Variants in CAMK2A observed in about 807,000 individuals in gnomAD.
CAMK2A encodes calcium/calmodulin-dependent protein kinase type II subunit alpha.
Under a neutral mutation model 79.2 loss-of-function variants are expected in CAMK2A, and 7 were observed. The ratio of observed to expected loss-of-function variants is 0.09; its 90% CI spans 0.05 to 0.17. The LOEUF is 0.17. Ranked by LOEUF, CAMK2A falls within the 10% of genes least tolerant of loss-of-function variation. The probability of loss-of-function intolerance (pLI) is 1.00; values close to 1 mark genes in which losing one functional copy is unlikely to be tolerated. For missense variants in CAMK2A, 214 were observed against 646.4 expected (o/e 0.33, Z 7.25); for synonymous variants, 242 against 251.7 (o/e 0.96, Z 0.36).
intron 11 of CAMK2A, among the ~76,000 whole-genome samples, chr5:150,249,611 C>T (rs1474874647): frequency 1.3e-5 from 2 of 151,612 alleles, no homozygotes; most frequent in African/African-American, 2.4e-5. Context: ...TGCAATGGCA[C>T]GATCTCACTC....
At chr5:150,249,854 T>G (rs1176169895) in intron 11 of CAMK2A, among the ~76,000 whole-genome samples, 1 of 152,124 alleles carries the variant, frequency 6.6e-6, no homozygotes, top group African/African-American at 2.4e-5. Flanking sequence ...GGCCACACTT[T>G]CCCATTCTGA....
intron 1 of CAMK2A, among the ~76,000 whole-genome samples, chr5:150,277,422 G>C (rs1756997480): frequency 6.6e-6 from 1 of 152,244 alleles, no homozygotes; most frequent in Admixed American, 6.5e-5. Flanking sequence ...GGGCCAGCGA[G>C]GGGGGCTCTG....
At chr5:150,225,758 T>G (rs201233070) in intron 17 of CAMK2A, among the ~76,000 whole-genome samples, 4 of 6,304 alleles carry the variant, frequency 6.3e-4, no homozygotes, top group African/African-American at 7.9e-4. Context: ...TATTATTATT[T>G]TTTTTAGATG....
chr5:150,266,090 G>C (rs139143794), intron 2 of CAMK2A, among the ~76,000 whole-genome samples: 3 of 152,156 alleles, frequency 2.0e-5, no homozygotes, highest in African/African-American at 7.2e-5. Flanking sequence ...TGGGACCAGG[G>C]ACACAGAGAG....
intron 11 of CAMK2A, among the ~76,000 whole-genome samples, chr5:150,249,976 C>T (rs942596848): frequency 2.0e-5 from 3 of 152,180 alleles, no homozygotes; most frequent in African/African-American, 7.2e-5. Context: ...TTGAGGCTTT[C>T]CCAGGCATGG....
intron 3 of CAMK2A, among the ~76,000 whole-genome samples, chr5:150,259,132 A>T (rs1369618469): frequency 6.6e-6 from 1 of 152,096 alleles, no homozygotes; most frequent in Non-Finnish European, 1.5e-5. Flanking sequence ...GTGAGCCGAG[A>T]TCGTGCCACT....
chr5:150,237,451 AAGG>A (rs768451199), intron 15 of CAMK2A, among the ~76,000 whole-genome samples: 1 of 151,588 alleles, frequency 6.6e-6, no homozygotes, highest in Non-Finnish European at 1.5e-5. Flanking sequence ...TGTCCTGGGG[AAGG>A]AGGAGGTCTG....
intron 14 of CAMK2A, 36 bp downstream of exon 14, chr5:150,239,668 A>T: frequency 6.2e-7 from 1 of 1,609,344 alleles, no homozygotes. Flanking sequence ...TTCGAGGCCC[A>T]GCATTTACCG....
chr5:150,270,822 G>A (rs746070301), intron 2 of CAMK2A, among the ~76,000 whole-genome samples: 1 of 152,170 alleles, frequency 6.6e-6, no homozygotes. Context: ...GACAGTGACT[G>A]TCTGGCATAG....
chr5:150,226,650 T>C (rs1470092916), intron 17 of CAMK2A, among the ~76,000 whole-genome samples: 1 of 140,744 alleles, frequency 7.1e-6, no homozygotes. Flanking sequence ...GGCAGGAGAA[T>C]TGCTTGAACC....
chr5:150,287,937 C>CTGTG (rs57886187), intron 1 of CAMK2A, among the ~76,000 whole-genome samples: 25,012 of 140,624 alleles, frequency 0.18, 2,198 homozygotes, highest in East Asian at 0.23. Context: ...AGGATAGCCT[C>CTGTG]TGTGTGTGTG....
intron 17 of CAMK2A, among the ~76,000 whole-genome samples, chr5:150,226,614 G>A (rs929541321): frequency 2.3e-4 from 35 of 150,290 alleles, no homozygotes; most frequent in Non-Finnish European, 3.5e-4. Flanking sequence ...GCGGGCACCT[G>A]TAATCCCAGC....
At chr5:150,280,367 C>T (rs940082505) in intron 1 of CAMK2A, among the ~76,000 whole-genome samples, 1 of 152,160 alleles carries the variant, frequency 6.6e-6, no homozygotes, top group Non-Finnish European at 1.5e-5. Context: ...TGACTGTTTC[C>T]TCAAACACGC....
In CAMK2A at chr5:150,221,528, A is replaced by G. The variant is rs1012157430; in HGVS notation, c.*1182T>C. On this transcript the variant is annotated 3_prime_UTR_variant, in exon 19 of 19. Coordinates refer to ENST00000671881, the MANE Select transcript of CAMK2A (RefSeq NM_015981.4). Reference sequence around the variant, plus strand: ...AAGACCCCAGTTTGCGAGGGAAGCAAAGAAAAGTCCAGGTATTTCCATCCT... The same window carrying G: ...AAGACCCCAGTTTGCGAGGGAAGCAGAGAAAAGTCCAGGTATTTCCATCCT... 5.0e-6 allele frequency: 2 copies of G among 398,546 alleles called. No individual in the cohort carries two copies. Among genetic ancestry groups the G allele is most frequent in the Non-Finnish European group, 8.8e-6 (2 of 226,072 alleles). 24.7% of individuals were successfully genotyped at this position (398,546 alleles called of 1,614,324 possible).
intron 2 of CAMK2A, among the ~76,000 whole-genome samples, chr5:150,269,279 A>G (rs1756638856): frequency 1.3e-5 from 2 of 152,284 alleles, no homozygotes; most frequent in South Asian, 4.1e-4. Flanking sequence ...AGAGCATGGC[A>G]AGGCTCAGCA....
intron 1 of CAMK2A, among the ~76,000 whole-genome samples, chr5:150,287,858 T>C (rs1006753780): frequency 6.6e-6 from 1 of 151,998 alleles, no homozygotes; most frequent in Admixed American, 6.6e-5. Flanking sequence ...AAGCTGAAAG[T>C]CTGCAGATAA....
Position 150,223,184 on chromosome 5 carries a change from G to A in CAMK2A, c.1271C>T (p.Thr424Ile). Residue 424 changes from threonine to isoleucine, a missense_variant, in exon 18 of 19, where the codon ACC (threonine) becomes ATC (isoleucine). By Grantham distance (89) the Thr-to-Ile change is moderately conservative. Coordinates refer to ENST00000671881, the MANE Select transcript of CAMK2A (RefSeq NM_015981.4). The surrounding 1 kb of genome is among the most constrained non-coding windows in gnomAD (Gnocchi z 4.1). ...WSRNSKPVHT[T>I]ILNPHIHLMG... ...CAGGTGGATGTGGGGATTCAGGATGGTGGTGTGCACGGGCTTGCTGTTCCG... is the reference window on the plus strand; with the variant it reads ...CAGGTGGATGTGGGGATTCAGGATGATGGTGTGCACGGGCTTGCTGTTCCG... The A allele has an allele frequency of 1.2e-6, 2 of 1,613,880 alleles. No homozygotes were observed. The highest frequency in any genetic ancestry group is 1.7e-6 in the Non-Finnish European group (2 of 1,180,048).
rs147712539 is a variant in CAMK2A, at chr5:150,232,280, C to T, written c.1067-900G>A. 3.1e-3 allele frequency among the ~76,000 whole-genome samples: 473 copies of T among 152,318 alleles called. 4 individuals carry two copies. Among genetic ancestry groups the T allele is most frequent in the Middle Eastern group, 0.01 (3 of 294 alleles). On this transcript the variant is annotated intron_variant, in intron 15 of 18. Coordinates refer to ENST00000671881, the MANE Select transcript of CAMK2A (RefSeq NM_015981.4). ...GTGAAATGGAGATGATAGTGTTCTC[C>T]GAGGGTTGTTATGAGGGTGGGGTGA... is the stretch of plus-strand genomic sequence containing the variant.
intron 1 of CAMK2A, among the ~76,000 whole-genome samples, chr5:150,286,108 C>T (rs1000663188): frequency 1.3e-5 from 2 of 152,182 alleles, no homozygotes; most frequent in East Asian, 3.8e-4. Flanking sequence ...CAGCACGCCT[C>T]CTGCAAGCTT....
Sources: gnomAD v4.1 joint callset for allele counts (sites outside exome capture counted in the v4.1 genomes callset) on GRCh38, gnomAD v4.1.1 for gene constraint, Gnocchi (gnomAD v3.1) non-coding constraint, MANE v1.5 for transcripts, NCBI Gene and HGNC (gene_info 2026-07-23, HGNC 2026-07-21) for gene names.